TMTC1: variants seen among roughly 807,000 people sequenced by gnomAD.
TMTC1 encodes the protein protein O-mannosyl-transferase TMTC1.
A neutral mutation model predicts 104.8 loss-of-function variants in TMTC1; 73 were observed. The observed-to-expected ratio is 0.70, with a 90% confidence interval of 0.58 to 0.85. The LOEUF (loss-of-function observed/expected upper bound fraction) is 0.85, where lower values mean the gene tolerates loss of function less well. Ranked by LOEUF, TMTC1 falls within the 40% of genes least tolerant of loss-of-function variation. TMTC1 has a pLI of 0.00. For synonymous variants in TMTC1, 434 were observed against 428.7 expected (o/e 1.01, Z -0.15); for missense variants, 1,035 against 1,096.1 (o/e 0.94, Z 0.79).
chr12:29,530,395 C>T (rs1944468803), intron 11 of TMTC1, among the ~76,000 whole-genome samples: 1 of 152,148 alleles, frequency 6.6e-6, no homozygotes, highest in South Asian at 2.1e-4. Context: ...CTTTTATGGT[C>T]TCAACGCAAC....
chr12:29,639,624 A>G (rs1938736080), intron 5 of TMTC1, among the ~76,000 whole-genome samples: 1 of 152,202 alleles, frequency 6.6e-6, no homozygotes, highest in Non-Finnish European at 1.5e-5. Flanking sequence ...TCCACTCCTA[A>G]GCAATTCCAC....
intron 5 of TMTC1, among the ~76,000 whole-genome samples, chr12:29,656,776 A>G (rs1939779639): frequency 6.6e-6 from 1 of 152,168 alleles, no homozygotes; most frequent in Non-Finnish European, 1.5e-5. Flanking sequence ...GTATATATAT[A>G]TGCCTTGGAA....
intron 7 of TMTC1, 107 bp from the exon 8 acceptor site, chr12:29,583,681 G>A (rs1056230839): frequency 2.5e-5 from 27 of 1,069,202 alleles, no homozygotes; most frequent in Middle Eastern, 3.2e-4. Flanking sequence ...TCCTGTGCTA[G>A]AGAAACAAAT....
intron 5 of TMTC1, among the ~76,000 whole-genome samples, chr12:29,699,912 G>C (rs79784018): frequency 0.14 from 20,575 of 151,856 alleles, 1,535 homozygotes; most frequent in Middle Eastern, 0.24. Flanking sequence ...AAAATGCCGG[G>C]ATTACAGGCA....
At position 29,502,897 on chromosome 12, in the gene TMTC1, A is replaced by G. The variant is rs1943625182; in HGVS notation, c.*3949T>C. ...TGATTCCAAAGTGCAGCCCGTGTTG[A>G]GAGCCACTACGTGTGAGGGAACAGA... is the stretch of plus-strand genomic sequence containing the variant. On this transcript the variant is annotated 3_prime_UTR_variant, in exon 18 of 18. Coordinates refer to ENST00000539277, the MANE Select transcript of TMTC1 (RefSeq NM_001193451.2). The G allele has an allele frequency of 1.3e-5, 2 of 152,202 alleles. No homozygotes were observed. The highest frequency in any genetic ancestry group is 2.9e-5 in the Non-Finnish European group (2 of 68,050). The allele number at this position is 152,202 out of a possible 1,614,324, so 9.4% of individuals were successfully genotyped here.
intron 5 of TMTC1, among the ~76,000 whole-genome samples, chr12:29,680,167 A>C (rs1788282964): frequency 6.6e-6 from 1 of 152,168 alleles, no homozygotes; most frequent in Admixed American, 6.5e-5. Flanking sequence ...AATGAGATTA[A>C]GCAAAATCCC....
intron 5 of TMTC1, among the ~76,000 whole-genome samples, chr12:29,732,222 T>G (rs1420500051): frequency 1.3e-5 from 2 of 152,202 alleles, no homozygotes; most frequent in Non-Finnish European, 2.9e-5. Flanking sequence ...GATACCAGAC[T>G]AGACTGGTGC....
At chr12:29,604,406 A>G (rs1035895058) in intron 6 of TMTC1, 107 bp from the exon 7 acceptor site, 6 of 1,468,024 alleles carry the variant, frequency 4.1e-6, no homozygotes, top group African/African-American at 2.8e-5. Context: ...AAATGAATAA[A>G]TTAGACCAAT....
intron 5 of TMTC1, 68 bp from the exon 6 acceptor site, chr12:29,633,404 C>T (rs1197882581): frequency 7.5e-7 from 1 of 1,326,738 alleles, no homozygotes; most frequent in African/African-American, 1.5e-5. Flanking sequence ...CGTTCAGTCA[C>T]CATATTTTTA....
chr12:29,752,526 C>G (rs994976429), intron 4 of TMTC1, among the ~76,000 whole-genome samples: 1 of 152,162 alleles, frequency 6.6e-6, no homozygotes, highest in Non-Finnish European at 1.5e-5. Flanking sequence ...CTGAAAGAAA[C>G]CTTCACGTAT....
At chr12:29,720,275 AT>A (rs1942201542) in intron 5 of TMTC1, among the ~76,000 whole-genome samples, 1 of 152,212 alleles carries the variant, frequency 6.6e-6, no homozygotes, top group Non-Finnish European at 1.5e-5. Flanking sequence ...ATCCCTGAGC[AT>A]ATTCCATAAT....
chr12:29,541,373 C>G (rs574181571), intron 10 of TMTC1, among the ~76,000 whole-genome samples: 1 of 152,332 alleles, frequency 6.6e-6, no homozygotes, highest in African/African-American at 2.4e-5. Context: ...CACTTACTAG[C>G]TGTGTTTCCT....
chr12:29,566,376 G>C (rs1215429363), intron 9 of TMTC1, among the ~76,000 whole-genome samples: 1 of 152,158 alleles, frequency 6.6e-6, no homozygotes, highest in African/African-American at 2.4e-5. Flanking sequence ...CGAGCATGGA[G>C]GCTGCTGCAG....
chr12:29,563,266 T>C (rs140020601), intron 9 of TMTC1, among the ~76,000 whole-genome samples: 37 of 152,286 alleles, frequency 2.4e-4, no homozygotes, highest in African/African-American at 8.2e-4. Context: ...ACACGTGTAA[T>C]TGAAAAAGCT....
chr12:29,771,341 G>C (rs1436956941), intron 1 of TMTC1, among the ~76,000 whole-genome samples: 1 of 152,130 alleles, frequency 6.6e-6, no homozygotes, highest in East Asian at 1.9e-4. Flanking sequence ...TTGCAATCTA[G>C]ATTAAAACTG....
At chr12:29,713,740 C>T (rs576220134) in intron 5 of TMTC1, among the ~76,000 whole-genome samples, 43 of 152,254 alleles carry the variant, frequency 2.8e-4, no homozygotes, top group African/African-American at 9.9e-4. Context: ...GTACCAGGCT[C>T]ATTCCTCATT....
intron 11 of TMTC1, chr12:29,532,894 A>C (rs1435126047): frequency 6.6e-6 from 1 of 152,024 alleles, no homozygotes; most frequent in Non-Finnish European, 1.5e-5. Flanking sequence ...TCTGACCTGG[A>C]GTTCTTAATT....
chr12:29,539,003 T>C (rs1944720940), intron 10 of TMTC1, among the ~76,000 whole-genome samples: 1 of 152,196 alleles, frequency 6.6e-6, no homozygotes, highest in South Asian at 2.1e-4. Context: ...TTTTAAATTC[T>C]TCTTAAAGAA....
chr12:29,514,831 G>A (rs1373263432), intron 15 of TMTC1, among the ~76,000 whole-genome samples: 2 of 152,014 alleles, frequency 1.3e-5, no homozygotes, highest in Non-Finnish European at 2.9e-5. Flanking sequence ...TGGGCAACAT[G>A]GTGAAACCCT....
Sources: gnomAD v4.1 joint callset for allele counts (sites outside exome capture counted in the v4.1 genomes callset) on GRCh38, gnomAD v4.1.1 for gene constraint, MANE v1.5 for transcripts, NCBI Gene and HGNC (gene_info 2026-07-23, HGNC 2026-07-21) for gene names.